LGMN: variants seen among roughly 807,000 people sequenced by gnomAD.
LGMN encodes the protein asparaginyl endopeptidase.
In LGMN, 36 loss-of-function variants were observed where a neutral mutation model predicts 56.8. The observed-to-expected ratio is 0.63, with a 90% CI of 0.49 to 0.84. LGMN has a LOEUF of 0.84. Ranked by LOEUF, LGMN falls within the 40% of genes least tolerant of loss-of-function variation. The probability of loss-of-function intolerance (pLI) is 0.00; values close to 1 mark genes in which losing one functional copy is unlikely to be tolerated. For synonymous variants in LGMN, 199 were observed against 210.1 expected, an observed-to-expected ratio of 0.95 and a Z score of 0.46; for missense variants, 446 against 556.1, an observed-to-expected ratio of 0.80 and a Z score of 1.99.
At chr14:92,712,003 T>C in intron 8 of LGMN, 48 bp from the exon 9 acceptor site, 1 of 1,390,688 alleles carries the variant, frequency 7.2e-7, no homozygotes, top group South Asian at 1.2e-5. Context: ...ATTCCTGCCT[T>C]GGATTACGCT....
At chr14:92,725,940 G>A (rs767475672) in intron 2 of LGMN, among the ~76,000 whole-genome samples, 10 of 151,918 alleles carry the variant, frequency 6.6e-5, no homozygotes, top group African/African-American at 9.7e-5. Context: ...AACACCATAA[G>A]TTATGAGCTC....
chr14:92,705,339 T>A (rs1013100831), intron 12 of LGMN, among the ~76,000 whole-genome samples: 2 of 151,958 alleles, frequency 1.3e-5, no homozygotes, highest in African/African-American at 4.8e-5. Context: ...CTGTCTCTAC[T>A]AAAAATACGA....
chr14:92,729,468 C>CG (rs1555399682), intron 2 of LGMN, among the ~76,000 whole-genome samples: 3 of 27,202 alleles, frequency 1.1e-4, no homozygotes, highest in Non-Finnish European at 1.8e-4. Context: ...TCAGATCACG[C>CG]CCCCCCCCCC....
At chr14:92,725,638 C>T (rs1236088913) in intron 2 of LGMN, among the ~76,000 whole-genome samples, 1 of 151,830 alleles carries the variant, frequency 6.6e-6, no homozygotes, top group Non-Finnish European at 1.5e-5. Flanking sequence ...TGCAGTGGCA[C>T]GAACTTGGCT....
At chr14:92,715,876 G>A (rs1031400930) in intron 5 of LGMN, 4 of 266,810 alleles carry the variant, frequency 1.5e-5, no homozygotes, top group East Asian at 9.4e-5. Context: ...GACAAGGAAC[G>A]AGGAGTTTAA....
intron 1 of LGMN, among the ~76,000 whole-genome samples, chr14:92,740,077 C>A (rs922533652): frequency 6.6e-6 from 1 of 152,134 alleles, no homozygotes; most frequent in Non-Finnish European, 1.5e-5. Context: ...GAGAAACCCC[C>A]GTCTCTACTA....
intron 1 of LGMN, among the ~76,000 whole-genome samples, chr14:92,740,564 A>T (rs1247624625): frequency 6.6e-6 from 1 of 152,174 alleles, no homozygotes; most frequent in Non-Finnish European, 1.5e-5. Context: ...CTTATGTGAA[A>T]GTCTGGGAGG....
Position 92,705,175 on chromosome 14 carries a change from A to T in LGMN, c.1192-468T>A, listed in dbSNP as rs139071123. 2.9e-3 allele frequency among the ~76,000 whole-genome samples: 435 copies of T among 152,322 alleles called. 3 individuals are homozygous for T. The highest frequency in any genetic ancestry group is 9.7e-3 in the African/African-American group (404 of 41,560). On this transcript the variant is annotated intron_variant, in intron 12 of 13. Coordinates refer to ENST00000334869, the MANE Select transcript of LGMN (RefSeq NM_005606.7). The stretch of plus-strand genomic sequence containing the variant: ...CCAAGAACTCTCTGAGAACAAAGGA[A>T]GAGGTTCACTGTGCATGACTCCAAA...
At chr14:92,719,295 C>T (rs1175252935) in intron 2 of LGMN, among the ~76,000 whole-genome samples, 2 of 103,178 alleles carry the variant, frequency 1.9e-5, no homozygotes, top group African/African-American at 4.0e-5. Flanking sequence ...CCGCCGCCGC[C>T]GCCGCCACCG....
At chr14:92,722,405 AC>A (rs1423265173) in intron 2 of LGMN, among the ~76,000 whole-genome samples, 1 of 151,808 alleles carries the variant, frequency 6.6e-6, no homozygotes, top group Non-Finnish European at 1.5e-5. Flanking sequence ...ATATGGTAAA[AC>A]CCCATCTCTA....
At chr14:92,718,303 G>A (rs1890173017) in intron 3 of LGMN, among the ~76,000 whole-genome samples, 1 of 152,062 alleles carries the variant, frequency 6.6e-6, no homozygotes, top group African/African-American at 2.4e-5. Context: ...GCCAGACATG[G>A]TGGCTCACAT....
rs199624640 is a variant in LGMN, at chr14:92,711,638, C to G, written c.819+21G>C. 314 of 1,605,342 alleles carry G rather than the reference C, an allele frequency of 2.0e-4. 2 individuals carry two copies. In the East Asian group the frequency reaches 5.1e-3, roughly 26 times the overall value. On this transcript the variant is annotated intron_variant, in intron 10 of 13. Transcript: ENST00000334869. ...TAGGACACAAGGAACAGAGGGCCAG[C>G]ACGCGAGGCTCCCGACTCACTTTGT...
Position 92,704,298 on chromosome 14 carries a change from A to G in LGMN, c.*21T>C. The G allele has an allele frequency of 6.2e-7, 1 of 1,614,090 alleles. No individual in the cohort carries two copies. The highest frequency in any genetic ancestry group is 8.5e-7 in the Non-Finnish European group (1 of 1,179,986). ...GTCGGTGGGGCGCTCACACTTGGAA[A>G]AGCTTCCAGGAGGCAGCTCTTCAGT... On this transcript the variant is annotated 3_prime_UTR_variant, in exon 14 of 14. Transcript: ENST00000334869.
chr14:92,705,083 C>T (rs147511037), intron 12 of LGMN, among the ~76,000 whole-genome samples: 42 of 152,304 alleles, frequency 2.8e-4, no homozygotes, highest in Middle Eastern at 3.4e-3. Flanking sequence ...GTGAAAGCCA[C>T]GCTGGATCAC....
intron 2 of LGMN, among the ~76,000 whole-genome samples, chr14:92,719,312 CCGCCG>C: frequency 2.4e-5 from 1 of 42,100 alleles, no homozygotes. Context: ...ACCGCCGCCA[CCGCCG>C]CCGCCGCCAC....
chr14:92,718,101 C>T lies in LGMN; in HGVS notation c.237-640G>A, dbSNP rs534616650. On this transcript the variant is annotated intron_variant, in intron 3 of 13. Transcript: ENST00000334869. ...GGAGTATCTAACCTACAAACAAAAA[C>T]ATTCTACGTGCAGGTCCCCTGTGCT... 3.8e-4 allele frequency among the ~76,000 whole-genome samples: 58 copies of T among 152,290 alleles called. No individual in the cohort carries two copies. In the South Asian group the frequency reaches 8.7e-3, roughly 23 times the overall value.
At chr14:92,727,111 C>T (rs949273563) in intron 2 of LGMN, among the ~76,000 whole-genome samples, 19 of 152,082 alleles carry the variant, frequency 1.2e-4, no homozygotes, top group Non-Finnish European at 1.2e-4. Context: ...GAGGACAGTT[C>T]GTCACAACTA....
At chr14:92,720,496 T>C (rs896446999) in intron 2 of LGMN, among the ~76,000 whole-genome samples, 3 of 152,156 alleles carry the variant, frequency 2.0e-5, no homozygotes, top group Non-Finnish European at 4.4e-5. Context: ...GGTGAAACCC[T>C]GTCTCTACTA....
At chr14:92,744,074 A>G (rs1211367050) in intron 1 of LGMN, among the ~76,000 whole-genome samples, 1 of 151,954 alleles carries the variant, frequency 6.6e-6, no homozygotes, top group Non-Finnish European at 1.5e-5. Context: ...GAATCGCTTG[A>G]ACCCGGGAGG....
Sources: allele counts gnomAD v4.1 joint callset (sites outside exome capture counted in the v4.1 genomes callset), GRCh38; gene constraint gnomAD v4.1.1; transcripts MANE v1.5; gene names NCBI Gene and HGNC (gene_info 2026-07-23, HGNC 2026-07-21).